The following BCAR3 variants were observed in gnomAD, a reference collection of about 807,000 sequenced individuals.
BCAR3 encodes the protein breast cancer anti-estrogen resistance protein 3.
In BCAR3, 37 loss-of-function variants were observed where a neutral mutation model predicts 80.1. That is an observed-to-expected ratio of 0.46 (90% CI 0.36 to 0.61). BCAR3 has a LOEUF of 0.61. BCAR3 is among the 20% of genes least tolerant of loss of function. The pLI, the probability that BCAR3 is intolerant of heterozygous loss-of-function variation, is 0.00. For missense variants in BCAR3, 978 were observed against 1,068.2 expected, an observed-to-expected ratio of 0.92 and a Z score of 1.18; for synonymous variants, 389 against 418.9, an observed-to-expected ratio of 0.93 and a Z score of 0.87.
intron 2 of BCAR3, among the ~76,000 whole-genome samples, chr1:93,714,336 G>A (rs959963379): frequency 3.3e-5 from 5 of 152,216 alleles, no homozygotes; most frequent in African/African-American, 4.8e-5. Context: ...TTCCCATATC[G>A]CCTTCTGTCT....
rs527680781 is a variant in BCAR3, at chr1:93,728,958, G to A, written c.-62-22816C>T. The stretch of plus-strand genomic sequence containing the variant: ...GGGTGGAGCCATAGCCAGGGACCAC[G>A]CCCTCCTCTACCCAGCACTTCCCTT... On this transcript the variant is annotated intron_variant, in intron 2 of 13. Coordinates refer to the BCAR3 transcript ENST00000370244. Among the ~76,000 whole-genome samples, 19 of 152,148 alleles carry A rather than the reference G, an allele frequency of 1.2e-4. No individual in the cohort carries two copies. The South Asian group carries it at 2.1e-3, about 17-fold the overall frequency.
At chr1:93,789,930 C>A (rs914957378) in intron 2 of BCAR3, among the ~76,000 whole-genome samples, 1 of 152,112 alleles carries the variant, frequency 6.6e-6, no homozygotes, top group African/African-American at 2.4e-5. Flanking sequence ...GAATATCCAG[C>A]TTGATGTCCT....
intron 2 of BCAR3, among the ~76,000 whole-genome samples, chr1:93,658,722 C>T (rs553012167): frequency 2.6e-5 from 4 of 152,298 alleles, no homozygotes; most frequent in South Asian, 4.1e-4. Flanking sequence ...AGATTTAGAA[C>T]TTACTGAGGG....
chr1:93,730,737 G>T (rs761597535), intron 2 of BCAR3, among the ~76,000 whole-genome samples: 22 of 152,188 alleles, frequency 1.4e-4, no homozygotes, highest in Non-Finnish European at 2.8e-4. Context: ...TAAAAAACAT[G>T]TCTGGGATCT....
At chr1:93,845,918 T>G (rs1223971092) in intron 1 of BCAR3, among the ~76,000 whole-genome samples, 2 of 152,198 alleles carry the variant, frequency 1.3e-5, no homozygotes, top group African/African-American at 4.8e-5. Flanking sequence ...AATAGTCTTT[T>G]ATCTCTGACT....
chr1:93,741,008 T>C (rs534999611), intron 2 of BCAR3, among the ~76,000 whole-genome samples: 1 of 152,192 alleles, frequency 6.6e-6, no homozygotes, highest in Non-Finnish European at 1.5e-5. Flanking sequence ...GGTGAAAGCG[T>C]GGCTTTTTGC....
chr1:93,707,205 A>C (rs1028651845), intron 2 of BCAR3, among the ~76,000 whole-genome samples: 6 of 152,146 alleles, frequency 3.9e-5, no homozygotes, highest in Non-Finnish European at 7.3e-5. Context: ...ACAGTTTAAA[A>C]CAAACTGTAT....
chr1:93,845,502 A>ATATATCTATATTGTCAAG, intron 2 of BCAR3: 1 of 113,822 alleles, frequency 8.8e-6, no homozygotes, highest in African/African-American at 3.5e-5. Flanking sequence ...ATATATATAT[A>ATATATCTATATTGTCAAG]AAACTTTGTT....
At chr1:93,562,718 C>T (rs1384422352) in intron 11 of BCAR3, among the ~76,000 whole-genome samples, 3 of 136,420 alleles carry the variant, frequency 2.2e-5, no homozygotes, top group South Asian at 2.3e-4. Context: ...TTGCAGTGAG[C>T]GAGACTGCGC....
chr1:93,809,265 C>A (rs1308744886), intron 2 of BCAR3, among the ~76,000 whole-genome samples: 3 of 151,960 alleles, frequency 2.0e-5, no homozygotes, highest in Admixed American at 2.0e-4. Flanking sequence ...TCCTCTATCA[C>A]TGTAGAAAGT....
chr1:93,767,353 T>C (rs927215641), intron 2 of BCAR3, among the ~76,000 whole-genome samples: 2 of 151,986 alleles, frequency 1.3e-5, no homozygotes, highest in African/African-American at 4.8e-5. Context: ...TGAAATTCCA[T>C]CTCTACAAAA....
At chr1:93,622,513 C>T (rs1402985296) in intron 3 of BCAR3, among the ~76,000 whole-genome samples, 2 of 152,170 alleles carry the variant, frequency 1.3e-5, no homozygotes, top group Non-Finnish European at 1.5e-5. Flanking sequence ...TCCTATTCCG[C>T]TCACAGCTGA....
chr1:93,667,329 AG>A lies in BCAR3; in HGVS notation c.317+7284del, dbSNP rs1312815678. ...TTCCCAGTAGGGTGTACCAGGGTCA[AG>A]TGTGAAAGTCAGAGCTCTGAGATTC... On this transcript the variant is annotated intron_variant, in intron 2 of 11. Transcript: ENST00000260502. Among the ~76,000 whole-genome samples the A allele has an allele frequency of 3.3e-5, 5 of 152,286 alleles. No homozygotes were observed. The East Asian group carries it at 9.7e-4, about 29-fold the overall frequency.
intron 11 of BCAR3, among the ~76,000 whole-genome samples, chr1:93,564,286 CTTTCTT>C (rs1036201652): frequency 1.1e-4 from 12 of 109,052 alleles, no homozygotes; most frequent in African/African-American, 4.1e-4. Flanking sequence ...GAATTTCTTT[CTTTCTT>C]TTTTTTTTTT....
chr1:93,703,702 A>G (rs951276606), intron 3 of BCAR3, among the ~76,000 whole-genome samples: 1 of 152,202 alleles, frequency 6.6e-6, no homozygotes, highest in African/African-American at 2.4e-5. Flanking sequence ...TATTTATCCA[A>G]CAATATTATT....
At chr1:93,832,876 T>C (rs770500245) in intron 2 of BCAR3, among the ~76,000 whole-genome samples, 5 of 152,138 alleles carry the variant, frequency 3.3e-5, no homozygotes, top group Admixed American at 1.3e-4. Context: ...CAGCCACACC[T>C]CACTGCCACC....
rs12353997 is a variant in BCAR3, at chr1:93,712,999, T to C, written c.-62-6857A>G. Among the ~76,000 whole-genome samples, 1,036 of 152,328 alleles carry C rather than the reference T, an allele frequency of 6.8e-3. 15 individuals are homozygous for C. Among genetic ancestry groups the C allele is most frequent in the African/African-American group, 0.023 (967 of 41,570 alleles). On this transcript the variant is annotated intron_variant, in intron 2 of 13. Coordinates refer to the BCAR3 transcript ENST00000370244. ...TTCATCCTCAGCTTTCATCTTCCTT[T>C]TTCTCTAGGGCAATACAGTTCAGTA...
In BCAR3 at chr1:93,584,139, T is replaced by C; in HGVS notation, c.930-18A>G. On this transcript the variant is annotated intron_variant, in intron 5 of 11. Transcript: ENST00000260502. ...CTTTGTTTCTGAAGTAAAAGACACATAGGATGGAAATGTGTTACTAACGTG... is the reference window on the plus strand; with the variant it reads ...CTTTGTTTCTGAAGTAAAAGACACACAGGATGGAAATGTGTTACTAACGTG... The C allele has an allele frequency of 6.2e-7, 1 of 1,609,688 alleles. No individual in the cohort carries two copies. Among genetic ancestry groups the C allele is most frequent in the Non-Finnish European group, 8.5e-7 (1 of 1,176,650 alleles).
At chr1:93,595,579 G>GTAGTGGA (rs1436564337) in intron 3 of BCAR3, among the ~76,000 whole-genome samples, 3 of 152,308 alleles carry the variant, frequency 2.0e-5, no homozygotes, top group Admixed American at 1.3e-4. Context: ...AAACCTTCTA[G>GTAGTGGA]AACTTTCACT....
Sources: gnomAD v4.1 joint callset for allele counts (sites outside exome capture counted in the v4.1 genomes callset) on GRCh38, gnomAD v4.1.1 for gene constraint, MANE v1.5 for transcripts, NCBI Gene and HGNC (gene_info 2026-07-23, HGNC 2026-07-21) for gene names.